ARHGAP15: variants seen among roughly 807,000 people sequenced by gnomAD.
The protein encoded by ARHGAP15 is rho GTPase-activating protein 15.
Under a neutral mutation model 63.7 loss-of-function variants are expected in ARHGAP15, and 51 were observed. The observed-to-expected ratio is 0.80, with a 90% CI of 0.64 to 1.01. The LOEUF is 1.01. Ranked by LOEUF, ARHGAP15 falls within the 50% of genes least tolerant of loss-of-function variation. The pLI is 0.00. For missense variants in ARHGAP15, 560 were observed against 564.6 expected (o/e 0.99, Z 0.08); for synonymous variants, 191 against 193.8 (o/e 0.99, Z 0.12).
At chr2:143,708,039 G>A (rs545363879) in intron 13 of ARHGAP15, among the ~76,000 whole-genome samples, 2 of 152,236 alleles carry the variant, frequency 1.3e-5, no homozygotes, top group African/African-American at 4.8e-5. Context: ...TGAAGTTAAG[G>A]GAACAAAGAA....
chr2:143,430,654 T>C (rs1262497068), intron 6 of ARHGAP15, among the ~76,000 whole-genome samples: 1 of 152,106 alleles, frequency 6.6e-6, no homozygotes, highest in Non-Finnish European at 1.5e-5. Flanking sequence ...ACAAAATTAC[T>C]ATCACAAAAA....
chr2:143,531,127 C>CGT (rs58887426), intron 10 of ARHGAP15, among the ~76,000 whole-genome samples: 4 of 151,760 alleles, frequency 2.6e-5, no homozygotes, highest in African/African-American at 9.7e-5. Context: ...TGTGTGTGCG[C>CGT]GCATGTGTGT....
At chr2:143,390,730 TGCACAC>T (rs1488093209) in intron 6 of ARHGAP15, among the ~76,000 whole-genome samples, 2 of 37,522 alleles carry the variant, frequency 5.3e-5, no homozygotes, top group Non-Finnish European at 1.1e-4. Context: ...GGAAAACACA[TGCACAC>T]ACACACACAC....
intron 6 of ARHGAP15, among the ~76,000 whole-genome samples, chr2:143,298,770 A>C (rs1682762458): frequency 6.6e-6 from 1 of 151,974 alleles, no homozygotes; most frequent in African/African-American, 2.4e-5. Context: ...TACATATTAT[A>C]AATTATCAAA....
chr2:143,359,209 A>G (rs982126871), intron 6 of ARHGAP15, among the ~76,000 whole-genome samples: 8 of 152,120 alleles, frequency 5.3e-5, no homozygotes, highest in Admixed American at 5.2e-4. Flanking sequence ...ATCTTAGGCA[A>G]TACTTTTTTC....
rs182135449 is a variant in ARHGAP15 at position 143,359,377 on chromosome 2, G to C, written c.475-76224G>C. On this transcript the variant is annotated intron_variant, in intron 6 of 13. Transcript: ENST00000295095. ...GTTTATGAATAACTTGAGCTCTCCA[G>C]TCTAGGACTATCATCAACACCTTTC... Among the ~76,000 whole-genome samples the C allele has an allele frequency of 2.6e-3, 395 of 152,234 alleles. 3 individuals carry two copies. Among genetic ancestry groups the C allele is most frequent in the African/African-American group, 9.3e-3 (386 of 41,542 alleles).
rs1047959053 is a variant in ARHGAP15 at position 143,534,318 on chromosome 2, G to A, written c.925+14954G>A. On this transcript the variant is annotated intron_variant, in intron 10 of 13. Transcript: ENST00000295095. Reference sequence around the variant, plus strand: ...GAGGCCTCTCCAGCCATGCTGAACTGTGAGTCAATTAAACCTCTTTCCTTT... The same window carrying A: ...GAGGCCTCTCCAGCCATGCTGAACTATGAGTCAATTAAACCTCTTTCCTTT... 7.0e-4 allele frequency among the ~76,000 whole-genome samples: 107 copies of A among 152,170 alleles called. 2 individuals carry two copies. Among genetic ancestry groups the A allele is most frequent in the Admixed American group, 1.4e-3 (21 of 15,274 alleles).
At chr2:143,205,413 T>C (rs1184418619) in intron 3 of ARHGAP15, among the ~76,000 whole-genome samples, 1 of 152,154 alleles carries the variant, frequency 6.6e-6, no homozygotes, top group Admixed American at 6.5e-5. Flanking sequence ...TGTCACTCCA[T>C]TAGAATTTTA....
intron 6 of ARHGAP15, chr2:143,295,311 C>T (rs1333382394): frequency 6.6e-6 from 1 of 152,064 alleles, no homozygotes; most frequent in Admixed American, 6.6e-5. Flanking sequence ...ACCCTGTAGA[C>T]TTGAAAGCCC....
At chr2:143,542,098 C>T (rs568895867) in intron 10 of ARHGAP15, among the ~76,000 whole-genome samples, 8 of 152,334 alleles carry the variant, frequency 5.3e-5, no homozygotes, top group African/African-American at 9.6e-5. Context: ...CCCCCAGCCT[C>T]GCTGCCGCCT....
At chr2:143,471,634 A>AAGTG (rs1691583152) in intron 8 of ARHGAP15, among the ~76,000 whole-genome samples, 1 of 152,068 alleles carries the variant, frequency 6.6e-6, no homozygotes, top group South Asian at 2.1e-4. Flanking sequence ...GGCCTGAAGG[A>AAGTG]AGTGAGGTAT....
intron 5 of ARHGAP15, among the ~76,000 whole-genome samples, chr2:143,249,229 T>C (rs1227686487): frequency 6.6e-6 from 1 of 152,058 alleles, no homozygotes; most frequent in African/African-American, 2.4e-5. Context: ...TCAAATTCTA[T>C]CCTGCCGGCT....
At chr2:143,732,910 G>GTTTTTTT (rs35876339) in intron 13 of ARHGAP15, among the ~76,000 whole-genome samples, 1 of 122,014 alleles carries the variant, frequency 8.2e-6, no homozygotes, top group Non-Finnish European at 1.7e-5. Flanking sequence ...TTGTTTTTGG[G>GTTTTTTT]TTTTTTTTTT....
At chr2:143,388,723 A>G (rs1047819796) in intron 6 of ARHGAP15, among the ~76,000 whole-genome samples, 15 of 152,148 alleles carry the variant, frequency 9.9e-5, no homozygotes, top group African/African-American at 3.4e-4. Flanking sequence ...TCCTTTTAAG[A>G]GTGCTTCTGT....
chr2:143,404,640 G>A (rs961639429), intron 6 of ARHGAP15, among the ~76,000 whole-genome samples: 1 of 151,828 alleles, frequency 6.6e-6, no homozygotes, highest in Non-Finnish European at 1.5e-5. Context: ...TGTAAACTAT[G>A]AAGTCATGTT....
chr2:143,242,730 A>G (rs1693911148), intron 5 of ARHGAP15, among the ~76,000 whole-genome samples: 1 of 152,216 alleles, frequency 6.6e-6, no homozygotes, highest in Non-Finnish European at 1.5e-5. Flanking sequence ...TAATCAAAGT[A>G]TCCTCTTTTA....
intron 6 of ARHGAP15, among the ~76,000 whole-genome samples, chr2:143,366,252 C>T (rs929754596): frequency 2.0e-5 from 3 of 151,994 alleles, no homozygotes; most frequent in Admixed American, 1.3e-4. Context: ...TGCTGAATCA[C>T]TTTTTTTGGA....
chr2:143,645,472 G>T (rs920524712), intron 12 of ARHGAP15, among the ~76,000 whole-genome samples: 1 of 151,964 alleles, frequency 6.6e-6, no homozygotes, highest in Non-Finnish European at 1.5e-5. Context: ...GTTTGTACAA[G>T]TTGCCCCTTA....
chr2:143,257,032 TAA>T (rs1680461483), intron 6 of ARHGAP15, among the ~76,000 whole-genome samples: 1 of 152,118 alleles, frequency 6.6e-6, no homozygotes, highest in South Asian at 2.1e-4. Context: ...TAAGAAATAA[TAA>T]AACTTTTTTA....
Sources: gnomAD v4.1 joint callset for allele counts (sites outside exome capture counted in the v4.1 genomes callset) on GRCh38, gnomAD v4.1.1 for gene constraint, MANE v1.5 for transcripts, NCBI Gene and HGNC (gene_info 2026-07-23, HGNC 2026-07-21) for gene names.